Variants in FGD5 observed in about 807,000 individuals in gnomAD.
FGD5 encodes the protein FYVE, RhoGEF and PH domain-containing protein 5.
FGD5 carries 28 observed loss-of-function variants against 133.4 expected under a neutral mutation model. The observed-to-expected ratio is 0.21, with a 90% CI of 0.16 to 0.29. The LOEUF is 0.29. Among genes scored for constraint, FGD5 ranks in the 10% least tolerant of loss-of-function variants. The pLI is 1.00. For missense variants in FGD5, 1,858 were observed against 1,895.2 expected (o/e 0.98, Z 0.36); for synonymous variants, 810 against 776.5 (o/e 1.04, Z -0.72).
chr3:14,920,996 G>A (rs944726645), intron 13 of FGD5, among the ~76,000 whole-genome samples: 1 of 152,232 alleles, frequency 6.6e-6, no homozygotes, highest in Non-Finnish European at 1.5e-5. Flanking sequence ...TCAAGGGCAG[G>A]AGGCTGCCAG....
chr3:14,899,590 C>T (rs866776959), intron 7 of FGD5, among the ~76,000 whole-genome samples: 1 of 152,334 alleles, frequency 6.6e-6, no homozygotes, highest in Middle Eastern at 3.4e-3. Context: ...AGAATTCATT[C>T]ATCTAATCCA....
intron 11 of FGD5, among the ~76,000 whole-genome samples, chr3:14,915,093 C>T (rs923370077): frequency 7.9e-5 from 12 of 152,360 alleles, no homozygotes; most frequent in African/African-American, 1.7e-4. Flanking sequence ...GGGCTGGAGG[C>T]GGAGGCCTGA....
chr3:14,842,380 C>T (rs1442756760), intron 1 of FGD5, among the ~76,000 whole-genome samples: 1 of 152,232 alleles, frequency 6.6e-6, no homozygotes, highest in Non-Finnish European at 1.5e-5. Flanking sequence ...ATCCCCACCC[C>T]TGTGCATCTC....
At chr3:14,867,332 G>GT (rs1043883007) in intron 2 of FGD5, among the ~76,000 whole-genome samples, 10 of 152,152 alleles carry the variant, frequency 6.6e-5, no homozygotes, top group African/African-American at 2.4e-4. Flanking sequence ...TGAGTTAAAT[G>GT]TTTTTCTGGC....
At chr3:14,882,183 G>C in intron 4 of FGD5, 1 of 486,840 alleles carries the variant, frequency 2.1e-6, no homozygotes, top group Non-Finnish European at 2.7e-6. Context: ...AAGGCCTGAA[G>C]GATCAGTTTC....
At chr3:14,869,769 A>G (rs1033728398) in intron 2 of FGD5, among the ~76,000 whole-genome samples, 8 of 152,180 alleles carry the variant, frequency 5.3e-5, no homozygotes, top group Non-Finnish European at 7.3e-5. Context: ...ATGGGTTGGA[A>G]TTCTTTCCCC....
At chr3:14,828,135 GGA>G (rs1488023713) in intron 1 of FGD5, among the ~76,000 whole-genome samples, 1 of 152,154 alleles carries the variant, frequency 6.6e-6, no homozygotes, top group Non-Finnish European at 1.5e-5. Context: ...ATGTGTGGAA[GGA>G]GAGAGAGGGG....
Position 14,918,790 on chromosome 3 carries a change from C to T in FGD5, c.3526C>T (p.Leu1176=). The T allele has an allele frequency of 6.2e-7, 1 of 1,613,976 alleles. No homozygotes were observed. Among genetic ancestry groups the T allele is most frequent in the South Asian group, 1.1e-5 (1 of 91,078 alleles). Residue 1176 remains leucine, a synonymous_variant, in exon 13 of 20, where the codon CTA becomes TTA. Coordinates refer to ENST00000285046, the MANE Select transcript of FGD5 (RefSeq NM_152536.4). ...RPVMEKVPYA[L]KIETSESCLM... ...TGTGATGGAGAAAGTGCCCTACGCT[C>T]TAAAGATTGAGACTTCCGAGTCCTG...
In FGD5 at chr3:14,821,457, A is replaced by T; in HGVS notation, c.2386A>T (p.Arg796Trp). 1 of 1,614,040 alleles carries T rather than the reference A, an allele frequency of 6.2e-7. No homozygotes were observed. The highest frequency in any genetic ancestry group is 8.5e-7 in the Non-Finnish European group (1 of 1,179,900). The change falls in exon 1 of 20, where the codon AGG becomes TGG. Residue 796 changes from arginine to tryptophan, a missense_variant. Physicochemically the swap from Arg to Trp is moderately radical, Grantham distance 101 (BLOSUM62 -3). Coordinates refer to ENST00000285046, the MANE Select transcript of FGD5 (RefSeq NM_152536.4). The stretch of plus-strand genomic sequence containing the variant: ...CCAGATTCCACCCCGGAGACCTGCC[A>T]GGGCTGGCGCGTTCACGAAGCTGTT... Reference protein sequence around the residue: ...NIQIPPRRPARAGAFTKLFED... With the variant: ...NIQIPPRRPAWAGAFTKLFED...
At chr3:14,915,945 A>G (rs2038545310) in intron 11 of FGD5, among the ~76,000 whole-genome samples, 1 of 151,570 alleles carries the variant, frequency 6.6e-6, no homozygotes, top group Admixed American at 6.6e-5. Flanking sequence ...TGTTGGCATC[A>G]TTTGTACAGG....
Position 14,933,403 on chromosome 3 carries a change from C to G in FGD5, c.*236C>G, listed in dbSNP as rs142572983. On this transcript the variant is annotated 3_prime_UTR_variant, in exon 20 of 20. Coordinates refer to ENST00000285046, the MANE Select transcript of FGD5 (RefSeq NM_152536.4). Reference sequence around the variant, plus strand: ...TCTGTGTTTTCCACCCCTACCCCCACCCGCCACCCAGTAATAAACTATTTC... The same window carrying G: ...TCTGTGTTTTCCACCCCTACCCCCAGCCGCCACCCAGTAATAAACTATTTC... The G allele has an allele frequency of 7.0e-3, 3,824 of 546,228 alleles. 23 individuals carry two copies. The highest frequency in any genetic ancestry group is 9.3e-3 in the Non-Finnish European group (2,830 of 304,326). 33.8% of individuals were successfully genotyped at this position (546,228 alleles called of 1,614,324 possible).
chr3:14,883,152 C>G (rs1559492309), intron 4 of FGD5, among the ~76,000 whole-genome samples: 1 of 152,126 alleles, frequency 6.6e-6, no homozygotes, highest in Admixed American at 6.5e-5. Context: ...TTCTAGTCAT[C>G]CTGATGGCCA....
At chr3:14,895,347 T>G (rs1026788260) in intron 4 of FGD5, among the ~76,000 whole-genome samples, 1 of 152,228 alleles carries the variant, frequency 6.6e-6, no homozygotes, top group Non-Finnish European at 1.5e-5. Flanking sequence ...GGTCTTAGAT[T>G]TAAGTCTTTA....
At chr3:14,867,493 C>T (rs2037517836) in intron 2 of FGD5, among the ~76,000 whole-genome samples, 1 of 152,146 alleles carries the variant, frequency 6.6e-6, no homozygotes. Context: ...AAGGGTAGAT[C>T]CCAGAAGGCA....
intron 1 of FGD5, among the ~76,000 whole-genome samples, chr3:14,852,200 T>C (rs1201073609): frequency 6.6e-6 from 1 of 152,218 alleles, no homozygotes; most frequent in East Asian, 1.9e-4. Flanking sequence ...TTCAAATGTC[T>C]ATCAGTTGAA....
intron 10 of FGD5, among the ~76,000 whole-genome samples, chr3:14,908,703 A>G (rs1163035205): frequency 6.6e-6 from 1 of 151,782 alleles, no homozygotes; most frequent in Non-Finnish European, 1.5e-5. Flanking sequence ...TGGCTAGCAT[A>G]GTGAAACCCC....
At chr3:14,898,145 G>A (rs535684157) in intron 6 of FGD5, 50 bp downstream of exon 6, 1 of 1,608,936 alleles carries the variant, frequency 6.2e-7, no homozygotes, top group South Asian at 1.1e-5. Context: ...CAGGGGTTGA[G>A]GTGGGCGAAG....
At chr3:14,814,232 A>T (rs1198268862), upstream of FGD5, among the ~76,000 whole-genome samples, 2 of 152,164 alleles carry the variant, frequency 1.3e-5, no homozygotes, top group Admixed American at 6.5e-5. Flanking sequence ...TGGACAGGGA[A>T]TCCAGAGAAG....
chr3:14,933,543 A>G lies in FGD5; in HGVS notation c.*376A>G, dbSNP rs1406700175. On this transcript the variant is annotated 3_prime_UTR_variant, in exon 20 of 20. Coordinates refer to ENST00000285046, the MANE Select transcript of FGD5 (RefSeq NM_152536.4). ...GAAGCTCTTACAGTTTTTACTCATGATAAATCTTATCACCTTTCAAAAATT... is the reference window on the plus strand; with the variant it reads ...GAAGCTCTTACAGTTTTTACTCATGGTAAATCTTATCACCTTTCAAAAATT... 2 of 220,774 alleles carry G rather than the reference A, an allele frequency of 9.1e-6. No individual in the cohort carries two copies. The highest frequency in any genetic ancestry group is 2.3e-5 in the African/African-American group (1 of 43,612). 13.7% of individuals were successfully genotyped at this position (220,774 alleles called of 1,614,324 possible).
Sources: allele counts gnomAD v4.1 joint callset (sites outside exome capture counted in the v4.1 genomes callset), GRCh38; gene constraint gnomAD v4.1.1; transcripts MANE v1.5; gene names NCBI Gene and HGNC (gene_info 2026-07-23, HGNC 2026-07-21).